The following KIF6 variants were observed in gnomAD, a reference collection of about 807,000 sequenced individuals.
KIF6 encodes kinesin family member 6, also known as kinesin-like protein KIF6.
A neutral mutation model predicts 112.7 loss-of-function variants in KIF6; 106 were observed. The observed-to-expected ratio is 0.94, with a 90% confidence interval of 0.80 to 1.11. The LOEUF (loss-of-function observed/expected upper bound fraction) is 1.11. Ranked by LOEUF, KIF6 falls within the 50% of genes least tolerant of loss-of-function variation. The probability of loss-of-function intolerance (pLI) is 0.00; values close to 1 mark genes in which losing one functional copy is unlikely to be tolerated. For synonymous variants in KIF6, 339 were observed against 339.9 expected (o/e 1.00, Z 0.03); for missense variants, 929 against 964.0 (o/e 0.96, Z 0.48).
intron 6 of KIF6, among the ~76,000 whole-genome samples, chr6:39,598,319 G>C (rs1482798515): frequency 6.6e-6 from 1 of 152,064 alleles, no homozygotes; most frequent in Non-Finnish European, 1.5e-5. Context: ...TTGATAAAAT[G>C]CTCAAATTTA....
chr6:39,590,447 A>ATTTTT (rs1432756577), intron 7 of KIF6, among the ~76,000 whole-genome samples: 7 of 114,368 alleles, frequency 6.1e-5, no homozygotes, highest in African/African-American at 2.7e-4. Flanking sequence ...ATATATATAT[A>ATTTTT]TATATTTTTT....
At chr6:39,397,675 A>G (rs1768374043) in intron 15 of KIF6, among the ~76,000 whole-genome samples, 1 of 152,176 alleles carries the variant, frequency 6.6e-6, no homozygotes, top group African/African-American at 2.4e-5. Context: ...GGACTAGAAA[A>G]AAGAGGCAAA....
chr6:39,615,983 A>G (rs1008936201), intron 5 of KIF6, among the ~76,000 whole-genome samples: 3 of 152,184 alleles, frequency 2.0e-5, no homozygotes, highest in Non-Finnish European at 2.9e-5. Context: ...TAATTACTGA[A>G]TCAAAAAATG....
intron 13 of KIF6, among the ~76,000 whole-genome samples, chr6:39,484,173 A>G (rs574185701): frequency 1.3e-5 from 2 of 152,178 alleles, no homozygotes; most frequent in South Asian, 2.1e-4. Flanking sequence ...TCATCTCCCT[A>G]TCATGTTGTA....
rs578146104 is a variant in KIF6, at chr6:39,682,130, C to T, written c.251+32562G>A. Among the ~76,000 whole-genome samples the T allele has an allele frequency of 5.9e-5, 9 of 152,170 alleles. No individual in the cohort carries two copies. The East Asian group carries it at 1.2e-3, about 20-fold the overall frequency. ...GTTCTCATGGAACTTATGTATGAATCGGGGAGACAGATAATAAATAAACAA... is the reference window on the plus strand; with the variant it reads ...GTTCTCATGGAACTTATGTATGAATTGGGGAGACAGATAATAAATAAACAA... On this transcript the variant is annotated intron_variant, in intron 3 of 22. Coordinates refer to ENST00000287152, the MANE Select transcript of KIF6 (RefSeq NM_145027.6).
At chr6:39,467,984 C>T (rs1369696906) in intron 13 of KIF6, among the ~76,000 whole-genome samples, 1 of 152,016 alleles carries the variant, frequency 6.6e-6, no homozygotes, top group Admixed American at 6.6e-5. Context: ...TAATGCAATG[C>T]CTCATCAAAT....
In KIF6 at chr6:39,486,634, T is replaced by C. The variant is rs141123609; in HGVS notation, c.1645+53369A>G. Among the ~76,000 whole-genome samples the C allele has an allele frequency of 2.1e-3, 315 of 152,326 alleles. 1 individual carries two copies. Among genetic ancestry groups the C allele is most frequent in the African/African-American group, 7.2e-3 (299 of 41,586 alleles). On this transcript the variant is annotated intron_variant, in intron 13 of 22. Transcript: ENST00000287152. ...TTCGACTGAGATGCACAGAAAGAAA[T>C]ACATTTGCCGCAAACTCTACATATG...
Position 39,477,225 on chromosome 6 carries a change from C to T in KIF6, c.1646-46064G>A, listed in dbSNP as rs116659914. ...AGAACCCCCTGTGTTGACAAGGCTA[C>T]AGGGAATCAGGCAATCCCAGGTATT... On this transcript the variant is annotated intron_variant, in intron 13 of 22. Transcript: ENST00000287152. Among the ~76,000 whole-genome samples the T allele has an allele frequency of 2.2e-3, 339 of 152,172 alleles. 2 individuals are homozygous for T. The highest frequency in any genetic ancestry group is 3.8e-3 in the Non-Finnish European group (259 of 68,010).
At chr6:39,610,914 A>C (rs1476730860) in intron 6 of KIF6, among the ~76,000 whole-genome samples, 1 of 152,210 alleles carries the variant, frequency 6.6e-6, no homozygotes, top group Non-Finnish European at 1.5e-5. Context: ...TAAACAAATT[A>C]AACAAAAATT....
At chr6:39,480,638 T>C (rs1774737384) in intron 13 of KIF6, among the ~76,000 whole-genome samples, 4 of 152,200 alleles carry the variant, frequency 2.6e-5, no homozygotes, top group Admixed American at 2.6e-4. Context: ...TTGGTACCAA[T>C]TCTTCTTTGA....
chr6:39,604,076 C>T (rs1376998387), intron 6 of KIF6, among the ~76,000 whole-genome samples: 2 of 152,088 alleles, frequency 1.3e-5, no homozygotes, highest in Non-Finnish European at 2.9e-5. Context: ...TTCAGCTTTC[C>T]ACTTCAGTTC....
chr6:39,368,415 C>T (rs1313439128), intron 16 of KIF6, among the ~76,000 whole-genome samples: 1 of 152,186 alleles, frequency 6.6e-6, no homozygotes, highest in Non-Finnish European at 1.5e-5. Context: ...CTGGCTCTGT[C>T]CGATTTCAAA....
chr6:39,376,645 T>C (rs1297157129), intron 16 of KIF6, among the ~76,000 whole-genome samples: 1 of 152,148 alleles, frequency 6.6e-6, no homozygotes, highest in Non-Finnish European at 1.5e-5. Flanking sequence ...AGAAAGACAA[T>C]CTGTCCAGTG....
intron 16 of KIF6, 70 bp downstream of exon 16, chr6:39,385,552 T>A: frequency 7.7e-7 from 1 of 1,293,390 alleles, no homozygotes; most frequent in South Asian, 1.2e-5. Context: ...TTTAGCTGGG[T>A]TTGGATTCCT....
Position 39,486,586 on chromosome 6 carries a change from T to C in KIF6, c.1645+53417A>G, listed in dbSNP as rs369091492. On this transcript the variant is annotated intron_variant, in intron 13 of 22. Transcript: ENST00000287152. ...TTGTTATGCAATTATACTGTGTTAA[T>C]TGGAACAGTGTTCATCAAATTTTTC... Among the ~76,000 whole-genome samples the C allele has an allele frequency of 9.5e-4, 144 of 152,376 alleles. 1 individual carries two copies. The highest frequency in any genetic ancestry group is 3.3e-3 in the African/African-American group (137 of 41,594).
intron 3 of KIF6, among the ~76,000 whole-genome samples, chr6:39,672,323 A>G (rs1786866204): frequency 6.6e-6 from 1 of 152,178 alleles, no homozygotes; most frequent in African/African-American, 2.4e-5. Flanking sequence ...TTATGGTAAC[A>G]TTGGTTTTGT....
intron 5 of KIF6, among the ~76,000 whole-genome samples, chr6:39,632,204 G>C (rs1784389387): frequency 1.3e-5 from 2 of 152,054 alleles, no homozygotes; most frequent in African/African-American, 4.8e-5. Context: ...AGAAAAGGCA[G>C]AGTGTATGTG....
chr6:39,617,346 T>C (rs1334236355), intron 5 of KIF6, among the ~76,000 whole-genome samples: 1 of 152,136 alleles, frequency 6.6e-6, no homozygotes, highest in African/African-American at 2.4e-5. Context: ...CAGGCTCTTG[T>C]TCTCAATAAT....
chr6:39,631,212 C>G (rs1487325375), intron 5 of KIF6, among the ~76,000 whole-genome samples: 1 of 140,646 alleles, frequency 7.1e-6, no homozygotes, highest in Non-Finnish European at 1.6e-5. Context: ...GTTTCCTCTG[C>G]TTTTTTTTTT....
Sources: allele counts gnomAD v4.1 joint callset (sites outside exome capture counted in the v4.1 genomes callset), GRCh38; gene constraint gnomAD v4.1.1; transcripts MANE v1.5; gene names NCBI Gene and HGNC (gene_info 2026-07-23, HGNC 2026-07-21).